RTKN2: variants seen among roughly 807,000 people sequenced by gnomAD.
RTKN2 encodes rhotekin 2.
A neutral mutation model predicts 71.5 loss-of-function variants in RTKN2; 69 were observed. That is an observed-to-expected ratio of 0.96 (90% CI 0.79 to 1.18). The LOEUF is 1.18. RTKN2 is among the 50% of genes most tolerant of loss of function. The pLI is 0.00. For missense variants in RTKN2, 724 were observed against 719.7 expected (o/e 1.01, Z -0.07); for synonymous variants, 236 against 236.5 (o/e 1.00, Z 0.02).
intron 1 of RTKN2, among the ~76,000 whole-genome samples, chr10:62,265,818 T>C (rs544135547): frequency 6.6e-6 from 1 of 152,236 alleles, no homozygotes; most frequent in African/African-American, 2.4e-5. Flanking sequence ...ATAATGATCA[T>C]GTAATAAGGG....
intron 8 of RTKN2, among the ~76,000 whole-genome samples, chr10:62,186,443 G>A (rs761206195): frequency 3.3e-5 from 5 of 151,878 alleles, no homozygotes; most frequent in Non-Finnish European, 7.4e-5. Flanking sequence ...CAACCACGGA[G>A]GAAGACAGAA....
chr10:62,262,068 G>A (rs948267480), intron 2 of RTKN2, among the ~76,000 whole-genome samples: 4 of 152,190 alleles, frequency 2.6e-5, no homozygotes, highest in Non-Finnish European at 5.9e-5. Context: ...ATGAGCAGAA[G>A]TTATTAATAC....
rs1419572722 is a variant in RTKN2 at position 62,194,618 on chromosome 10, A to G, written c.*3290T>C. On this transcript the variant is annotated 3_prime_UTR_variant, in exon 12 of 12. Transcript: ENST00000373789. ...ATAGTTGTGCCTCATTCGTGGTAAC[A>G]CAGGTGATTACATTCAAATGGCATT... 1.0e-6 allele frequency: 1 copy of G among 985,294 alleles called. No homozygotes were observed. Among genetic ancestry groups the G allele is most frequent in the Admixed American group, 6.2e-5 (1 of 16,254 alleles). The allele number at this position is 985,294 out of a possible 1,614,324, so 61.0% of individuals were successfully genotyped here.
At chr10:62,189,753 C>T (rs1291784735), downstream of RTKN2, among the ~76,000 whole-genome samples, 4 of 151,854 alleles carry the variant, frequency 2.6e-5, no homozygotes, top group Admixed American at 6.6e-5. Flanking sequence ...TTGAACCTGG[C>T]TTGAAGGGGA....
At chr10:62,251,429 G>C in intron 2 of RTKN2, among the ~76,000 whole-genome samples, 1 of 152,296 alleles carries the variant, frequency 6.6e-6, no homozygotes, top group Non-Finnish European at 1.5e-5. Flanking sequence ...CAGGAAGGAT[G>C]ATGGAACATA....
At chr10:62,184,277 G>A in exon 9 of RTKN2, 2 of 1,217,934 alleles carry the variant, frequency 1.6e-6, no homozygotes, top group Non-Finnish European at 2.3e-6. Context: ...ATGTCACATT[G>A]TATTTTAAAT....
At chr10:62,227,340 A>C (rs1429510750) in intron 6 of RTKN2, among the ~76,000 whole-genome samples, 5 of 152,174 alleles carry the variant, frequency 3.3e-5, no homozygotes, top group Admixed American at 1.3e-4. Context: ...AAGGAGAAGA[A>C]GGCCTATCTG....
intron 10 of RTKN2, among the ~76,000 whole-genome samples, chr10:62,200,208 C>T (rs1841412099): frequency 6.6e-6 from 1 of 151,428 alleles, no homozygotes; most frequent in South Asian, 2.1e-4. Context: ...ACTAAAAATA[C>T]AAAAATTAGC....
chr10:62,261,271 A>G (rs1842768916), intron 2 of RTKN2, among the ~76,000 whole-genome samples: 1 of 152,222 alleles, frequency 6.6e-6, no homozygotes, highest in Non-Finnish European at 1.5e-5. Context: ...GTTTTTGTAT[A>G]TATAAAATCT....
Position 62,195,956 on chromosome 10 carries a change from C to T in RTKN2, c.*1952G>A. 1 of 985,134 alleles carries T rather than the reference C, an allele frequency of 1.0e-6. No homozygotes were observed. The allele number at this position is 985,134 out of a possible 1,614,324, so 61.0% of individuals were successfully genotyped here. On this transcript the variant is annotated 3_prime_UTR_variant, in exon 12 of 12. Coordinates refer to ENST00000373789, the MANE Select transcript of RTKN2 (RefSeq NM_145307.4). Reference sequence around the variant, plus strand: ...TTCTTTTTCTTATACACCTTAAGTCCTTCCTGCTGTTATCTGCATGAGGAA... The same window carrying T: ...TTCTTTTTCTTATACACCTTAAGTCTTTCCTGCTGTTATCTGCATGAGGAA...
rs530409262 is a variant in RTKN2 at position 62,245,808 on chromosome 10, A to C, written c.316+191T>G. Among the ~76,000 whole-genome samples, 5 of 110,498 alleles carry C rather than the reference A, an allele frequency of 4.5e-5. No homozygotes were observed. The East Asian group carries it at 3.0e-3, about 67-fold the overall frequency. 72.5% of individuals were successfully genotyped at this position (110,498 alleles called of 152,430 possible). ...CTGTAGAGTATGTAACATATGAAAC[A>C]GTTTTCTTAAACTCTAAAGTTCTAT... On this transcript the variant is annotated intron_variant, in intron 3 of 11. Coordinates refer to ENST00000373789, the MANE Select transcript of RTKN2 (RefSeq NM_145307.4).
intron 7 of RTKN2, among the ~76,000 whole-genome samples, chr10:62,222,473 A>C (rs1841931352): frequency 6.6e-6 from 1 of 152,084 alleles, no homozygotes; most frequent in South Asian, 2.1e-4. Flanking sequence ...TTTTAACATA[A>C]TTTCTCATTG....
chr10:62,221,627 C>A (rs1841909419), intron 7 of RTKN2, among the ~76,000 whole-genome samples: 1 of 152,006 alleles, frequency 6.6e-6, no homozygotes, highest in East Asian at 1.9e-4. Context: ...AAATTATATA[C>A]AGTAAAAATA....
At chr10:62,238,918 T>A (rs1167235390) in intron 5 of RTKN2, 1 of 152,034 alleles carries the variant, frequency 6.6e-6, no homozygotes, top group Middle Eastern at 3.2e-3. Flanking sequence ...AAAGATCGTG[T>A]CTTTAAAAGT....
intron 1 of RTKN2, among the ~76,000 whole-genome samples, chr10:62,264,526 T>TCTATA (rs1388213717): frequency 6.6e-6 from 1 of 152,234 alleles, no homozygotes; most frequent in Non-Finnish European, 1.5e-5. Context: ...ATTATCTATG[T>TCTATA]GACCCATATG....
At position 62,234,494 on chromosome 10, in the gene RTKN2, T is replaced by TAAA. The variant is rs10639375; in HGVS notation, c.686+1569_686+1571dup. ...CTGGGCAACAGATCCAGACTTGTCTTAAAAAAAAAAAAAGAAAAAGAAAAA... is the reference window on the plus strand; with the variant it reads ...CTGGGCAACAGATCCAGACTTGTCTTAAAAAAAAAAAAAAAAGAAAAAGAAAAA... On this transcript the variant is annotated intron_variant, in intron 6 of 11. Transcript: ENST00000373789. Among the ~76,000 whole-genome samples, 217 of 142,574 alleles carry TAAA rather than the reference T, an allele frequency of 1.5e-3. 1 individual carries two copies. Among genetic ancestry groups the TAAA allele is most frequent in the East Asian group, 5.1e-3 (25 of 4,930 alleles). The allele number at this position is 142,574 out of a possible 152,430, so 93.5% of individuals were successfully genotyped here.
chr10:62,232,315 CTTTT>C (rs56139482), intron 6 of RTKN2, among the ~76,000 whole-genome samples: 16 of 117,170 alleles, frequency 1.4e-4, no homozygotes, highest in Admixed American at 3.5e-4. Context: ...TTCTTTCTTT[CTTTT>C]TTTTTTTTTT....
At chr10:62,218,396 G>T in intron 7 of RTKN2, 95 bp from the exon 8 acceptor site, 2 of 815,434 alleles carry the variant, frequency 2.5e-6, no homozygotes, top group Non-Finnish European at 3.9e-6. Context: ...TTACAATTTT[G>T]TTTTGCTTTG....
At chr10:62,249,067 C>T (rs922678846) in intron 2 of RTKN2, among the ~76,000 whole-genome samples, 1 of 151,990 alleles carries the variant, frequency 6.6e-6, no homozygotes, top group African/African-American at 2.4e-5. Flanking sequence ...AAAATAAAAT[C>T]GGTAATGTCT....
Sources: allele counts gnomAD v4.1 joint callset (sites outside exome capture counted in the v4.1 genomes callset), GRCh38; gene constraint gnomAD v4.1.1; transcripts MANE v1.5; gene names NCBI Gene and HGNC (gene_info 2026-07-23, HGNC 2026-07-21).